SEMA3C: variants seen among roughly 807,000 people sequenced by gnomAD.
SEMA3C encodes semaphorin-3C.
Under a neutral mutation model 89.4 loss-of-function variants are expected in SEMA3C, and 47 were observed. That is an observed-to-expected ratio of 0.53 (90% CI 0.42 to 0.67). The LOEUF (loss-of-function observed/expected upper bound fraction) is 0.67. Among genes scored for constraint, SEMA3C ranks in the 30% least tolerant of loss-of-function variants. The pLI is 0.00. For missense variants in SEMA3C, 839 were observed against 929.1 expected (o/e 0.90, Z 1.26); for synonymous variants, 310 against 320.2 (o/e 0.97, Z 0.34).
intron 2 of SEMA3C, among the ~76,000 whole-genome samples, chr7:80,884,696 T>G (rs976062342): frequency 3.3e-5 from 5 of 152,228 alleles, no homozygotes; most frequent in Admixed American, 1.3e-4. Context: ...GTAACCAAGA[T>G]GTAAACTCTA....
At chr7:80,839,941 A>G (rs1270176182) in intron 2 of SEMA3C, among the ~76,000 whole-genome samples, 1 of 152,154 alleles carries the variant, frequency 6.6e-6, no homozygotes, top group Non-Finnish European at 1.5e-5. Flanking sequence ...TGCTTTCAAT[A>G]AAACTCCCTT....
In SEMA3C at chr7:80,848,778, C is replaced by T. The variant is rs575765099; in HGVS notation, c.104-20033G>A. ...CTCATTTTAATTTAGTGTTTCTTTCCTACATATTATTTATGCAAACTATGT... is the reference window on the plus strand; with the variant it reads ...CTCATTTTAATTTAGTGTTTCTTTCTTACATATTATTTATGCAAACTATGT... On this transcript the variant is annotated intron_variant, in intron 2 of 17. Coordinates refer to ENST00000265361, the MANE Select transcript of SEMA3C (RefSeq NM_006379.5). 5.3e-5 allele frequency among the ~76,000 whole-genome samples: 8 copies of T among 152,140 alleles called. No homozygotes were observed. The South Asian group carries it at 1.5e-3, about 28-fold the overall frequency.
At chr7:80,759,820 T>TG (rs1481690700) in intron 14 of SEMA3C, among the ~76,000 whole-genome samples, 5 of 152,202 alleles carry the variant, frequency 3.3e-5, no homozygotes, top group South Asian at 2.1e-4. Flanking sequence ...AACAACTGCG[T>TG]GTTTTCACAA....
intron 2 of SEMA3C, among the ~76,000 whole-genome samples, chr7:80,902,688 T>C (rs1562977733): frequency 4.6e-5 from 7 of 152,158 alleles, no homozygotes; most frequent in Admixed American, 3.3e-4. Context: ...TAAAATAATA[T>C]ATGATTTGTA....
At chr7:80,748,832 T>C (rs1405743) in intron 17 of SEMA3C, 66 bp downstream of exon 17, 1,464,817 of 1,480,254 alleles carry the variant, frequency 0.99, 726,114 homozygotes, top group East Asian at 1. Flanking sequence ...TGAGCCTCGC[T>C]GAGGGACAGT....
At chr7:80,759,003 A>C (rs1438053503) in intron 14 of SEMA3C, among the ~76,000 whole-genome samples, 3 of 152,196 alleles carry the variant, frequency 2.0e-5, no homozygotes, top group Non-Finnish European at 2.9e-5. Flanking sequence ...TGAAAGTTGC[A>C]TGTTACTCAT....
chr7:80,808,653 T>G (rs1204725059), intron 6 of SEMA3C, among the ~76,000 whole-genome samples: 2 of 152,140 alleles, frequency 1.3e-5, no homozygotes, highest in African/African-American at 4.8e-5. Flanking sequence ...AATAATTATT[T>G]TTTACCTGTT....
In SEMA3C at chr7:80,868,639, G is replaced by A. The variant is rs201515843; in HGVS notation, c.104-39894C>T. Among the ~76,000 whole-genome samples, 4 of 152,226 alleles carry A rather than the reference G, an allele frequency of 2.6e-5. No homozygotes were observed. The East Asian group carries it at 7.7e-4, about 29-fold the overall frequency. The stretch of plus-strand genomic sequence containing the variant: ...TTAATCATGTTTGTAACCAGAGGAT[G>A]ACCATATACTTTCCTTTCTCTATAA... On this transcript the variant is annotated intron_variant, in intron 2 of 17. Coordinates refer to ENST00000265361, the MANE Select transcript of SEMA3C (RefSeq NM_006379.5).
At chr7:80,907,577 A>C (rs1792045053) in intron 2 of SEMA3C, among the ~76,000 whole-genome samples, 1 of 152,032 alleles carries the variant, frequency 6.6e-6, no homozygotes, top group South Asian at 2.1e-4. Flanking sequence ...TTTTATAAAC[A>C]ATCTATAAGG....
chr7:80,899,471 C>T (rs1791824678), intron 2 of SEMA3C, among the ~76,000 whole-genome samples: 2 of 152,124 alleles, frequency 1.3e-5, no homozygotes, highest in South Asian at 2.1e-4. Flanking sequence ...ATGACTTTAA[C>T]TTTTTTCTAA....
chr7:80,811,323 C>T (rs542971328), intron 5 of SEMA3C, among the ~76,000 whole-genome samples: 64 of 151,782 alleles, frequency 4.2e-4, no homozygotes, highest in African/African-American at 1.4e-3. Flanking sequence ...TAATTTATAA[C>T]CTAGTAAGAA....
Position 80,860,206 on chromosome 7 carries a change from C to G in SEMA3C, c.104-31461G>C, listed in dbSNP as rs146176981. On this transcript the variant is annotated intron_variant, in intron 2 of 17. Coordinates refer to ENST00000265361, the MANE Select transcript of SEMA3C (RefSeq NM_006379.5). ...GGTTAGTTTTTATGATTAAAGTAAACTATACCTATGACTATAAGTAAACTA... is the reference window on the plus strand; with the variant it reads ...GGTTAGTTTTTATGATTAAAGTAAAGTATACCTATGACTATAAGTAAACTA... Among the ~76,000 whole-genome samples, 279 of 152,164 alleles carry G rather than the reference C, an allele frequency of 1.8e-3. 7 individuals are homozygous for G. In the East Asian group the frequency reaches 0.02, roughly 11 times the overall value.
In SEMA3C at chr7:80,815,554, C is replaced by CAAAAAAAAAAAAA. The variant is rs761990267; in HGVS notation, c.447+2732_447+2744dup. Among the ~76,000 whole-genome samples the CAAAAAAAAAAAAA allele has an allele frequency of 3.5e-3, 205 of 58,728 alleles. 6 individuals carry two copies. The highest frequency in any genetic ancestry group is 0.021 in the East Asian group (29 of 1,352). 38.5% of individuals were successfully genotyped at this position (58,728 alleles called of 152,430 possible). ...AAACCCAATCCTTTCTTTAAATGGG[C>CAAAAAAAAAAAAA]AAAAAAAAAAAAAAAAAAAGTAAAT... is the stretch of plus-strand genomic sequence containing the variant. On this transcript the variant is annotated intron_variant, in intron 5 of 17. Transcript: ENST00000265361.
At chr7:80,887,397 T>C (rs963785562) in intron 2 of SEMA3C, among the ~76,000 whole-genome samples, 4 of 152,192 alleles carry the variant, frequency 2.6e-5, no homozygotes, top group African/African-American at 9.6e-5. Context: ...TCTCTCATAG[T>C]GAGAGTGAAT....
In SEMA3C at chr7:80,918,871, C is replaced by T. The variant is rs1446588963; in HGVS notation, c.-82G>A. 12 of 985,332 alleles carry T rather than the reference C, an allele frequency of 1.2e-5. No homozygotes were observed. Among genetic ancestry groups the T allele is most frequent in the African/African-American group, 1.7e-5 (1 of 57,254 alleles). The allele number at this position is 985,332 out of a possible 1,614,324, so 61.0% of individuals were successfully genotyped here. ...GCACGGAAAAGTCATCAGTTTGCTA[C>T]CGGGGTTGGATGCGCTTGTGTCTCC... is the stretch of plus-strand genomic sequence containing the variant. On this transcript the variant is annotated 5_prime_UTR_variant, in exon 1 of 18. Coordinates refer to ENST00000265361, the MANE Select transcript of SEMA3C (RefSeq NM_006379.5).
At chr7:80,872,142 A>G (rs1222544278) in intron 2 of SEMA3C, among the ~76,000 whole-genome samples, 1 of 152,028 alleles carries the variant, frequency 6.6e-6, no homozygotes, top group Non-Finnish European at 1.5e-5. Flanking sequence ...CGTTTTTCTC[A>G]GAATCTCCTT....
chr7:80,782,392 C>T (rs931998730), intron 12 of SEMA3C, among the ~76,000 whole-genome samples: 5 of 152,254 alleles, frequency 3.3e-5, no homozygotes, highest in African/African-American at 1.2e-4. Flanking sequence ...TCAAACAAAG[C>T]AATGCCAATG....
intron 2 of SEMA3C, among the ~76,000 whole-genome samples, chr7:80,878,664 A>G (rs904882878): frequency 6.6e-6 from 1 of 152,094 alleles, no homozygotes; most frequent in African/African-American, 2.4e-5. Flanking sequence ...TGGATGTTCA[A>G]TTAGGTGTCC....
intron 2 of SEMA3C, among the ~76,000 whole-genome samples, chr7:80,913,304 G>A (rs1792196091): frequency 6.6e-6 from 1 of 152,118 alleles, no homozygotes; most frequent in Non-Finnish European, 1.5e-5. Context: ...GGGAGGCTGA[G>A]GCAGGACAAT....
Sources: gnomAD v4.1 joint callset for allele counts (sites outside exome capture counted in the v4.1 genomes callset) on GRCh38, gnomAD v4.1.1 for gene constraint, MANE v1.5 for transcripts, NCBI Gene and HGNC (gene_info 2026-07-23, HGNC 2026-07-21) for gene names.